The following FBXL7 variants were observed in gnomAD, a reference collection of about 807,000 sequenced individuals.
FBXL7 encodes the protein F-box/LRR-repeat protein 7.
A neutral mutation model predicts 38.3 loss-of-function variants in FBXL7; 12 were observed. That is an observed-to-expected ratio of 0.31 (90% CI 0.20 to 0.51). The LOEUF is 0.51. Ranked by LOEUF, FBXL7 falls within the 20% of genes least tolerant of loss-of-function variation. FBXL7 has a pLI of 0.98. For missense variants in FBXL7, 567 were observed against 676.4 expected, an observed-to-expected ratio of 0.84 and a Z score of 1.79; for synonymous variants, 297 against 300.9, an observed-to-expected ratio of 0.99 and a Z score of 0.13.
chr5:15,741,770 A>T (rs1484824766), intron 2 of FBXL7, among the ~76,000 whole-genome samples: 1 of 152,148 alleles, frequency 6.6e-6, no homozygotes, highest in East Asian at 1.9e-4. Context: ...AGCACCATTT[A>T]AAAATGTAGA....
At chr5:15,921,291 G>A (rs917511855) in intron 2 of FBXL7, among the ~76,000 whole-genome samples, 4 of 149,886 alleles carry the variant, frequency 2.7e-5, no homozygotes, top group Non-Finnish European at 5.9e-5. Flanking sequence ...TGAGTCAGGA[G>A]AATCACTTCA....
intron 2 of FBXL7, among the ~76,000 whole-genome samples, chr5:15,815,183 C>T (rs11953915): frequency 0.02 from 3,104 of 152,244 alleles, 121 homozygotes; most frequent in African/African-American, 0.071. Flanking sequence ...TTCTCTTTCT[C>T]TGTAACTATT....
At chr5:15,926,745 C>A (rs1321840407) in intron 2 of FBXL7, among the ~76,000 whole-genome samples, 1 of 151,966 alleles carries the variant, frequency 6.6e-6, no homozygotes, top group Non-Finnish European at 1.5e-5. Context: ...AAAAAATAAA[C>A]ATGTTTCCAG....
At chr5:15,793,198 C>T (rs1419135228) in intron 2 of FBXL7, among the ~76,000 whole-genome samples, 1 of 152,216 alleles carries the variant, frequency 6.6e-6, no homozygotes, top group East Asian at 1.9e-4. Context: ...CTCCTAGGGC[C>T]GCTGTACCAA....
chr5:15,606,343 C>A (rs1281793588), intron 1 of FBXL7, among the ~76,000 whole-genome samples: 1 of 152,118 alleles, frequency 6.6e-6, no homozygotes, highest in Non-Finnish European at 1.5e-5. Context: ...TATGTATATT[C>A]TCATGCTTGC....
At chr5:15,905,646 C>T (rs1019650349) in intron 2 of FBXL7, among the ~76,000 whole-genome samples, 14 of 152,020 alleles carry the variant, frequency 9.2e-5, no homozygotes, top group African/African-American at 3.4e-4. Context: ...AGGCCACCAG[C>T]CTGGAATATG....
chr5:15,917,096 C>T (rs1741603086), intron 2 of FBXL7, among the ~76,000 whole-genome samples: 1 of 152,146 alleles, frequency 6.6e-6, no homozygotes, highest in Non-Finnish European at 1.5e-5. Context: ...ATACAAGCTG[C>T]ACATAGTAGA....
intron 2 of FBXL7, among the ~76,000 whole-genome samples, chr5:15,785,851 G>C (rs1224167099): frequency 6.6e-6 from 1 of 152,240 alleles, no homozygotes; most frequent in Non-Finnish European, 1.5e-5. Flanking sequence ...CCTGTTGTCT[G>C]CTATAACTTT....
At chr5:15,729,342 C>G (rs1735511035) in intron 2 of FBXL7, among the ~76,000 whole-genome samples, 1 of 152,086 alleles carries the variant, frequency 6.6e-6, no homozygotes, top group Non-Finnish European at 1.5e-5. Flanking sequence ...AGAACTTGTG[C>G]ATGGGTGGCT....
At chr5:15,681,906 A>C (rs1742855541) in intron 2 of FBXL7, among the ~76,000 whole-genome samples, 1 of 152,218 alleles carries the variant, frequency 6.6e-6, no homozygotes, top group African/African-American at 2.4e-5. Context: ...AGGCAGGATG[A>C]CTTTTTACAA....
chr5:15,543,499 G>A (rs1737814670), intron 1 of FBXL7, among the ~76,000 whole-genome samples: 1 of 152,186 alleles, frequency 6.6e-6, no homozygotes, highest in South Asian at 2.1e-4. Context: ...AACAATCATA[G>A]ATGCTGTTGT....
intron 2 of FBXL7, among the ~76,000 whole-genome samples, chr5:15,841,837 G>A (rs554626114): frequency 6.6e-6 from 1 of 152,322 alleles, no homozygotes; most frequent in East Asian, 1.9e-4. Context: ...GGTCCTGCAG[G>A]TGCACACATA....
intron 2 of FBXL7, among the ~76,000 whole-genome samples, chr5:15,652,527 A>G (rs1299157957): frequency 2.0e-5 from 3 of 152,112 alleles, no homozygotes; most frequent in African/African-American, 7.2e-5. Flanking sequence ...CAGCCTCCCA[A>G]AGTGCTGGGA....
intron 2 of FBXL7, among the ~76,000 whole-genome samples, chr5:15,896,410 T>G (rs1579583607): frequency 6.6e-6 from 1 of 152,178 alleles, no homozygotes; most frequent in Non-Finnish European, 1.5e-5. Flanking sequence ...GCCATCAGAA[T>G]GTTGAAAAAA....
intron 1 of FBXL7, among the ~76,000 whole-genome samples, chr5:15,608,385 C>T (rs553856364): frequency 7.7e-4 from 117 of 152,190 alleles, no homozygotes; most frequent in African/African-American, 2.7e-3. Context: ...CACAAGAGTG[C>T]TTGGAAAGTT....
chr5:15,729,191 G>C (rs1184770088), intron 2 of FBXL7, among the ~76,000 whole-genome samples: 3 of 152,076 alleles, frequency 2.0e-5, no homozygotes, highest in African/African-American at 7.2e-5. Context: ...AAACATTTTT[G>C]TGTTTTGTTT....
At chr5:15,511,383 C>A (rs1277271149) in intron 1 of FBXL7, among the ~76,000 whole-genome samples, 5 of 152,152 alleles carry the variant, frequency 3.3e-5, no homozygotes, top group Non-Finnish European at 7.3e-5. Flanking sequence ...TTGGTCTTTG[C>A]GCTGAAACAG....
intron 2 of FBXL7, among the ~76,000 whole-genome samples, chr5:15,840,676 G>A (rs1195056321): frequency 3.3e-5 from 5 of 152,020 alleles, no homozygotes; most frequent in South Asian, 2.1e-4. Context: ...GTGAAACCCC[G>A]TCTCTACTAA....
intron 2 of FBXL7, among the ~76,000 whole-genome samples, chr5:15,702,776 T>C (rs1446313579): frequency 6.6e-6 from 1 of 151,348 alleles, no homozygotes; most frequent in Non-Finnish European, 1.5e-5. Context: ...AAACAGGCTT[T>C]GTGTGAGCAA....
Sources: allele counts gnomAD v4.1 joint callset (sites outside exome capture counted in the v4.1 genomes callset), GRCh38; gene constraint gnomAD v4.1.1; transcripts MANE v1.5; gene names NCBI Gene and HGNC (gene_info 2026-07-23, HGNC 2026-07-21).